The following SLC44A5 variants were observed in gnomAD, a reference collection of about 807,000 sequenced individuals.
The protein encoded by SLC44A5 is choline transporter-like protein 5.
SLC44A5 carries 57 observed loss-of-function variants against 101.8 expected under a neutral mutation model. The ratio of observed to expected loss-of-function variants is 0.56; its 90% CI spans 0.45 to 0.70. The LOEUF is 0.70. SLC44A5 is among the 30% of genes least tolerant of loss of function. The pLI is 0.00. For missense variants in SLC44A5, 737 were observed against 853.1 expected (o/e 0.86, Z 1.70); for synonymous variants, 281 against 290.9 (o/e 0.97, Z 0.35).
intron 2 of SLC44A5, among the ~76,000 whole-genome samples, chr1:75,397,657 C>T (rs886559282): frequency 4.6e-5 from 7 of 152,076 alleles, no homozygotes; most frequent in Admixed American, 2.6e-4. Flanking sequence ...TTACAATAAT[C>T]GGTTCACTTC....
At chr1:75,551,546 C>A (rs765212256) in intron 1 of SLC44A5, among the ~76,000 whole-genome samples, 1 of 152,024 alleles carries the variant, frequency 6.6e-6, no homozygotes. Flanking sequence ...CTCATAGAGA[C>A]GTCTAAATTG....
intron 5 of SLC44A5, among the ~76,000 whole-genome samples, chr1:75,299,845 CTAA>C (rs1348037767): frequency 3.4e-5 from 5 of 148,508 alleles, no homozygotes. Flanking sequence ...CTTGTCTCTA[CTAA>C]AAAAAAAAAA....
At chr1:75,259,601 A>C (rs764792143) in intron 6 of SLC44A5, among the ~76,000 whole-genome samples, 2 of 152,132 alleles carry the variant, frequency 1.3e-5, no homozygotes, top group Non-Finnish European at 2.9e-5. Flanking sequence ...GTTGGAAAAC[A>C]CTCTTTGGGA....
intron 1 of SLC44A5, among the ~76,000 whole-genome samples, chr1:75,556,878 A>G (rs553125848): frequency 6.6e-6 from 1 of 152,000 alleles, no homozygotes; most frequent in Non-Finnish European, 1.5e-5. Context: ...TAAAATAAAT[A>G]AAGAAAGACG....
At chr1:75,678,759 G>A in the SLC44A5 span, among the ~76,000 whole-genome samples, 14 of 152,138 alleles carry the variant, frequency 9.2e-5, no homozygotes, top group South Asian at 4.2e-4. Flanking sequence ...AAAGCTGCAC[G>A]GAGAATGACT....
intron 4 of SLC44A5, among the ~76,000 whole-genome samples, chr1:75,322,749 C>T (rs1017902824): frequency 7.2e-5 from 11 of 152,040 alleles, no homozygotes; most frequent in East Asian, 1.9e-4. Context: ...AAACACTGCA[C>T]GGACAGATGT....
chr1:75,466,093 A>G (rs184431049), intron 2 of SLC44A5, among the ~76,000 whole-genome samples: 8 of 152,238 alleles, frequency 5.3e-5, no homozygotes, highest in Non-Finnish European at 1.2e-4. Flanking sequence ...CTACATGCCA[A>G]TATCTCTGAT....
intron 5 of SLC44A5, among the ~76,000 whole-genome samples, chr1:75,281,647 C>CCG (rs1652587876): frequency 8.9e-6 from 1 of 112,928 alleles, no homozygotes; most frequent in Non-Finnish European, 2.1e-5. Context: ...CCCCCCCCCC[C>CCG]CCCCGCTGCA....
At chr1:75,654,338 T>C in the SLC44A5 span, among the ~76,000 whole-genome samples, 1 of 152,180 alleles carries the variant, frequency 6.6e-6, no homozygotes, top group African/African-American at 2.4e-5. Context: ...AAATTAAAAT[T>C]GTTCAATGTT....
At chr1:75,701,323 TC>T in the SLC44A5 span, among the ~76,000 whole-genome samples, 3 of 152,206 alleles carry the variant, frequency 2.0e-5, no homozygotes, top group Non-Finnish European at 4.4e-5. Context: ...CGAATGGGCT[TC>T]ATCCCTGGGA....
chr1:75,257,605 C>T (rs966059559), intron 6 of SLC44A5, among the ~76,000 whole-genome samples: 6 of 152,094 alleles, frequency 3.9e-5, no homozygotes, highest in African/African-American at 7.2e-5. Flanking sequence ...TCCTGCAATT[C>T]TAGCCATGGG....
chr1:75,619,244 G>A, the SLC44A5 span, among the ~76,000 whole-genome samples: 1 of 151,140 alleles, frequency 6.6e-6, no homozygotes, highest in African/African-American at 2.4e-5. Flanking sequence ...AGGGAGGGAG[G>A]AAGGGAGGAA....
chr1:75,499,721 T>C (rs956338265), intron 2 of SLC44A5, among the ~76,000 whole-genome samples: 10 of 152,214 alleles, frequency 6.6e-5, no homozygotes, highest in African/African-American at 2.2e-4. Flanking sequence ...GGAATATTTT[T>C]CAATACTGTA....
intron 2 of SLC44A5, among the ~76,000 whole-genome samples, chr1:75,494,258 A>T (rs558609612): frequency 8.7e-4 from 132 of 152,270 alleles, no homozygotes; most frequent in African/African-American, 2.9e-3. Flanking sequence ...ATTTCTGATC[A>T]TTATAAATTA....
At chr1:75,688,511 C>A in the SLC44A5 span, among the ~76,000 whole-genome samples, 1 of 152,128 alleles carries the variant, frequency 6.6e-6, no homozygotes, top group Non-Finnish European at 1.5e-5. Flanking sequence ...GCTGAATCAT[C>A]TCTATTCCCA....
chr1:75,695,553 T>C, the SLC44A5 span, among the ~76,000 whole-genome samples: 1 of 152,034 alleles, frequency 6.6e-6, no homozygotes, highest in Non-Finnish European at 1.5e-5. Context: ...ATCAACACTT[T>C]AAGGAGCATA....
chr1:75,480,700 T>C (rs4949671), intron 2 of SLC44A5, among the ~76,000 whole-genome samples: 87,279 of 151,486 alleles, frequency 0.58, 26,635 homozygotes, highest in East Asian at 0.94. Context: ...TTACAAGGGA[T>C]GTGAAGGACC....
the SLC44A5 span, among the ~76,000 whole-genome samples, chr1:75,634,024 T>A: frequency 6.6e-6 from 1 of 152,164 alleles, no homozygotes; most frequent in African/African-American, 2.4e-5. Flanking sequence ...GGATTACATT[T>A]ATTGATTTGC....
At chr1:75,453,889 A>T (rs1005298614) in intron 2 of SLC44A5, among the ~76,000 whole-genome samples, 1 of 152,152 alleles carries the variant, frequency 6.6e-6, no homozygotes, top group Non-Finnish European at 1.5e-5. Flanking sequence ...TCAAGTGCTG[A>T]AATCGAATCA....
Sources: allele counts gnomAD v4.1 joint callset (sites outside exome capture counted in the v4.1 genomes callset), GRCh38; gene constraint gnomAD v4.1.1; transcripts MANE v1.5; gene names NCBI Gene and HGNC (gene_info 2026-07-23, HGNC 2026-07-21).